Variants in SLC17A8 observed in about 807,000 individuals in gnomAD.
SLC17A8 encodes the protein vesicular glutamate transporter 3.
SLC17A8 carries 31 observed loss-of-function variants against 58.0 expected under a neutral mutation model. The observed-to-expected ratio is 0.53, with a 90% confidence interval of 0.40 to 0.72. The LOEUF is 0.72. Ranked by LOEUF, SLC17A8 falls within the 30% of genes least tolerant of loss-of-function variation. SLC17A8 has a pLI of 0.00. For missense variants in SLC17A8, 655 were observed against 727.8 expected (o/e 0.90, Z 1.15); for synonymous variants, 228 against 249.0 (o/e 0.92, Z 0.79).
intron 1 of SLC17A8, among the ~76,000 whole-genome samples, chr12:100,373,790 T>A (rs565474687): frequency 6.6e-6 from 1 of 152,092 alleles, no homozygotes; most frequent in African/African-American, 2.4e-5. Context: ...TCATTCACCA[T>A]GTTGGTTAGG....
rs533399804 is a variant in SLC17A8 at position 100,397,450 on chromosome 12, G to A, written c.676+1033G>A. Among the ~76,000 whole-genome samples, 3 of 152,302 alleles carry A rather than the reference G, an allele frequency of 2.0e-5. No individual in the cohort carries two copies. In the East Asian group the frequency reaches 5.8e-4, roughly 29 times the overall value. ...CTGAAAGTAAATGAGTAGCCCCCAA[G>A]TAGTATGTGACTTTAATTCCTGCAT... is the stretch of plus-strand genomic sequence containing the variant. On this transcript the variant is annotated intron_variant, in intron 5 of 11. Transcript: ENST00000323346.
intron 4 of SLC17A8, 24 bp from the exon 5 acceptor site, chr12:100,396,306 A>C (rs1436913788): frequency 6.3e-7 from 1 of 1,581,676 alleles, no homozygotes; most frequent in Non-Finnish European, 8.7e-7. Context: ...AAATCAACTA[A>C]TCTATTTTCA....
At chr12:100,362,323 T>G (rs1216614013) in intron 1 of SLC17A8, among the ~76,000 whole-genome samples, 1 of 152,130 alleles carries the variant, frequency 6.6e-6, no homozygotes, top group Admixed American at 6.5e-5. Flanking sequence ...GGAAGAGATG[T>G]GTTTGGCACT....
At chr12:100,399,834 G>T (rs1021289374) in intron 5 of SLC17A8, among the ~76,000 whole-genome samples, 2 of 152,108 alleles carry the variant, frequency 1.3e-5, no homozygotes, top group African/African-American at 4.8e-5. Flanking sequence ...ACTATGTAAG[G>T]GGAATTATTA....
intron 2 of SLC17A8, among the ~76,000 whole-genome samples, chr12:100,384,034 CAT>C (rs1328586128): frequency 6.6e-6 from 1 of 152,156 alleles, no homozygotes; most frequent in African/African-American, 2.4e-5. Context: ...TGAGTTAAAA[CAT>C]GTGAACTCTT....
chr12:100,418,255 A>ATGTCCT, intron 11 of SLC17A8, 99 bp downstream of exon 11: 1 of 1,476,386 alleles, frequency 6.8e-7, no homozygotes, highest in South Asian at 1.1e-5. Flanking sequence ...GTAAATGTGT[A>ATGTCCT]TGTCCTTGAC....
intron 9 of SLC17A8, among the ~76,000 whole-genome samples, chr12:100,411,646 C>T (rs1952868401): frequency 6.6e-6 from 1 of 152,024 alleles, no homozygotes; most frequent in South Asian, 2.1e-4. Flanking sequence ...CTAAGGCACT[C>T]TATATACTTG....
chr12:100,395,582 C>T (rs769151034), intron 4 of SLC17A8, among the ~76,000 whole-genome samples: 2 of 151,990 alleles, frequency 1.3e-5, no homozygotes, highest in Non-Finnish European at 2.9e-5. Flanking sequence ...ACCTCGGCCT[C>T]CCAAACTGTT....
chr12:100,393,553 C>G (rs764340617), intron 4 of SLC17A8, 70 bp downstream of exon 4: 1 of 1,166,742 alleles, frequency 8.6e-7, no homozygotes, highest in Non-Finnish European at 1.3e-6. Context: ...AATTCACCTT[C>G]TGAAGAAAAT....
chr12:100,357,627 C>A (rs1277000286), intron 1 of SLC17A8, 135 bp downstream of exon 1: 1 of 693,548 alleles, frequency 1.4e-6, no homozygotes, highest in Admixed American at 2.1e-5. Context: ...TTCTGGAGCC[C>A]CTTCTAGCTC....
intron 1 of SLC17A8, among the ~76,000 whole-genome samples, chr12:100,364,890 T>C (rs1173658636): frequency 1.3e-5 from 2 of 152,242 alleles, no homozygotes; most frequent in African/African-American, 4.8e-5. Flanking sequence ...GGGCCATCCC[T>C]GGGTGGGCTG....
rs781296688 is a variant in SLC17A8 at position 100,420,061 on chromosome 12, C to T, written c.1672C>T (p.Gln558Ter). Reference protein sequence around the residue: ...YGATSQNCEVQKKEWKGQRGA... With the variant: ...YGATSQNCEV ...AGCCACCTCCCAGAATTGTGAAGTC[C>T]AGAAGAAGGAATGGAAAGGACAGAG... Residue 558 changes from glutamine (Q) to a stop codon, truncating the protein, a stop_gained, in exon 12 of 12, where the codon CAG becomes TAG. Transcript: ENST00000323346. LOFTEE classifies it low-confidence loss of function (END_TRUNC). The T allele has an allele frequency of 6.2e-7, 1 of 1,614,122 alleles. No homozygotes were observed. The highest frequency in any genetic ancestry group is 1.1e-5 in the South Asian group (1 of 91,078).
At chr12:100,400,126 G>A (rs1593002253) in intron 5 of SLC17A8, among the ~76,000 whole-genome samples, 1 of 152,092 alleles carries the variant, frequency 6.6e-6, no homozygotes, top group Non-Finnish European at 1.5e-5. Flanking sequence ...AGTTGGTGGG[G>A]TTATTCTCTA....
At chr12:100,364,672 A>G (rs576908930) in intron 1 of SLC17A8, among the ~76,000 whole-genome samples, 34 of 152,336 alleles carry the variant, frequency 2.2e-4, no homozygotes, top group African/African-American at 8.2e-4. Context: ...CCACTCATAG[A>G]TTGATCCACA....
chr12:100,418,776 T>A (rs1283722737), intron 11 of SLC17A8, among the ~76,000 whole-genome samples: 1 of 152,252 alleles, frequency 6.6e-6, no homozygotes, highest in Non-Finnish European at 1.5e-5. Flanking sequence ...ATGGGATTTT[T>A]TTCCCCCATC....
intron 8 of SLC17A8, 116 bp downstream of exon 8, chr12:100,402,861 A>G (rs889156712): frequency 1.9e-5 from 20 of 1,064,040 alleles, no homozygotes; most frequent in Admixed American, 7.5e-5. Flanking sequence ...CAGTTCTGTG[A>G]CACCTAATAG....
Position 100,390,990 on chromosome 12 carries a change from C to G in SLC17A8, c.355-11C>G. 1 of 1,577,618 alleles carries G rather than the reference C, an allele frequency of 6.3e-7. No homozygotes were observed. The highest frequency in any genetic ancestry group is 8.7e-7 in the Non-Finnish European group (1 of 1,146,774). Reference sequence around the variant, plus strand: ...TAACAAACACAACTATATCTGATTTCTCATTTCCAGACAGCACAGTTTAAC... The same window carrying G: ...TAACAAACACAACTATATCTGATTTGTCATTTCCAGACAGCACAGTTTAAC... On this transcript the variant is annotated splice_polypyrimidine_tract_variant and intron_variant, in intron 2 of 11. Coordinates refer to ENST00000323346, the MANE Select transcript of SLC17A8 (RefSeq NM_139319.3).
intron 10 of SLC17A8, among the ~76,000 whole-genome samples, chr12:100,416,677 A>G (rs1319807245): frequency 6.6e-6 from 1 of 152,236 alleles, no homozygotes; most frequent in Non-Finnish European, 1.5e-5. Flanking sequence ...GAGTGACTAC[A>G]ATGTGCCAGG....
At chr12:100,386,111 T>C (rs1379907585) in intron 2 of SLC17A8, among the ~76,000 whole-genome samples, 1 of 152,214 alleles carries the variant, frequency 6.6e-6, no homozygotes, top group African/African-American at 2.4e-5. Context: ...TTTAAGATTC[T>C]TGACATTTTC....
Sources: allele counts gnomAD v4.1 joint callset (sites outside exome capture counted in the v4.1 genomes callset), GRCh38; gene constraint gnomAD v4.1.1; transcripts MANE v1.5; gene names NCBI Gene and HGNC (gene_info 2026-07-23, HGNC 2026-07-21).